The following IQANK1 variants were observed in gnomAD, a reference collection of about 807,000 sequenced individuals.
IQANK1 encodes the protein IQ motif and ankyrin repeat containing 1, also known as IQ motif and ankyrin repeat domain-containing protein 1.
IQANK1 carries 30 observed loss-of-function variants against 22.6 expected under a neutral mutation model. The ratio of observed to expected loss-of-function variants is 1.33; its 90% CI spans 0.99 to 1.80. The LOEUF (loss-of-function observed/expected upper bound fraction) is 1.80, where lower values mean the gene tolerates loss of function less well. IQANK1 is among the 40% of genes most tolerant of loss of function. IQANK1 has a pLI of 0.00. For missense variants in IQANK1, 275 were observed against 235.2 expected (o/e 1.17, Z -1.11); for synonymous variants, 122 against 99.6 (o/e 1.23, Z -1.34).
chr8:143,753,853 G>C (rs1456980574), intron 3 of IQANK1, among the ~76,000 whole-genome samples: 1 of 152,062 alleles, frequency 6.6e-6, no homozygotes, highest in Non-Finnish European at 1.5e-5. Context: ...TTGAAAACTG[G>C]ACATTTGAAT....
Position 143,735,478 on chromosome 8 carries a change from G to A in IQANK1, c.-4-372G>A, listed in dbSNP as rs1177191384. On this transcript the variant is annotated intron_variant, in intron 1 of 13. Transcript: ENST00000527139. The surrounding 1 kb of genome is among the most constrained non-coding windows in gnomAD (Gnocchi z 5.2). The stretch of plus-strand genomic sequence containing the variant: ...TGGAGGCTTCAGCAGAGAGGGCCAT[G>A]CTCATGATTACGGTGAGAACAAAGA... Among the ~76,000 whole-genome samples, 1 of 150,486 alleles carries A rather than the reference G, an allele frequency of 6.6e-6. No homozygotes were observed. The highest frequency in any genetic ancestry group is 1.5e-5 in the Non-Finnish European group (1 of 68,018).
At chr8:143,773,714 G>T (rs1554630057) in intron 7 of IQANK1, among the ~76,000 whole-genome samples, 2 of 152,296 alleles carry the variant, frequency 1.3e-5, no homozygotes, top group Non-Finnish European at 2.9e-5. Context: ...CTGCCTGGGA[G>T]CCTGTCCTGC....
At chr8:143,742,617 A>T in intron 3 of IQANK1, 1 of 456,060 alleles carries the variant, frequency 2.2e-6, no homozygotes, top group Non-Finnish European at 4.4e-6. Context: ...GCAGCATTCC[A>T]GGAGCTGCTT....
At chr8:143,745,873 C>G (rs1554627158) in intron 3 of IQANK1, 1 of 152,326 alleles carries the variant, frequency 6.6e-6, no homozygotes, top group Non-Finnish European at 1.5e-5. Context: ...ACCTCAGCCT[C>G]CTGAGTAGCT....
In IQANK1 at chr8:143,789,010, C is replaced by T; in HGVS notation, c.885C>T (p.Arg295=). The T allele has an allele frequency of 2.5e-6, 1 of 400,048 alleles. No individual in the cohort carries two copies. Among genetic ancestry groups the T allele is most frequent in the Non-Finnish European group, 4.4e-6 (1 of 226,892 alleles). 24.8% of individuals were successfully genotyped at this position (400,048 alleles called of 1,614,324 possible). Reference sequence around the variant, plus strand: ...AGAACATGGAGGCTGAGCAGCAGCGCCGGGCCCAGGAGGCCCAGAGGCACA... The same window carrying T: ...AGAACATGGAGGCTGAGCAGCAGCGTCGGGCCCAGGAGGCCCAGAGGCACA... ...MLQNMEAEQQ[R]RAQEAQRHKE... Residue 295 remains arginine, a synonymous_variant, in exon 8 of 14, where the codon CGC becomes CGT. Coordinates refer to ENST00000527139, the MANE Select transcript of IQANK1 (RefSeq NM_001381874.1).
intron 3 of IQANK1, among the ~76,000 whole-genome samples, chr8:143,751,646 G>GTATA (rs1554628040): frequency 3.7e-5 from 1 of 27,174 alleles, no homozygotes; most frequent in Non-Finnish European, 9.0e-5. Context: ...GTGTGTGTGT[G>GTATA]TGTGTGTGTG....
At chr8:143,751,625 A>AT (rs1483456634) in intron 3 of IQANK1, among the ~76,000 whole-genome samples, 1 of 95,996 alleles carries the variant, frequency 1.0e-5, no homozygotes, top group African/African-American at 3.7e-5. Flanking sequence ...AAAAAAAAAA[A>AT]GTGTGTGTGT....
At chr8:143,788,246 G>A in intron 7 of IQANK1, among the ~76,000 whole-genome samples, 1 of 152,230 alleles carries the variant, frequency 6.6e-6, no homozygotes, top group Admixed American at 6.5e-5. Context: ...CCCGCCACCA[G>A]GCGCATGTGG....
chr8:143,751,658 GTGTGTGTA>G (rs1452847535), intron 3 of IQANK1, among the ~76,000 whole-genome samples: 1 of 38,820 alleles, frequency 2.6e-5, no homozygotes, highest in African/African-American at 4.9e-5. Context: ...GTGTGTGTGT[GTGTGTGTA>G]TATATATATA....
At chr8:143,766,256 G>A (rs180847647) in intron 3 of IQANK1, among the ~76,000 whole-genome samples, 192 of 152,128 alleles carry the variant, frequency 1.3e-3, no homozygotes, top group Non-Finnish European at 1.8e-3. Context: ...TTTTTCTTAC[G>A]GCTTTGTAGT....
Position 143,774,298 on chromosome 8 carries a change from G to T in IQANK1, c.789+1816G>T, listed in dbSNP as rs1379508165. Among the ~76,000 whole-genome samples the T allele has an allele frequency of 6.6e-6, 1 of 152,070 alleles. No homozygotes were observed. The highest frequency in any genetic ancestry group is 1.5e-5 in the Non-Finnish European group (1 of 68,034). On this transcript the variant is annotated intron_variant, in intron 7 of 13. Transcript: ENST00000527139. The surrounding 1 kb of genome is among the most constrained non-coding windows in gnomAD (Gnocchi z 4.2). ...GCAGGAGCAAACGTTTGTGAACCACGCATCTGGCAAGGCACGTGTACCTAG... is the reference window on the plus strand; with the variant it reads ...GCAGGAGCAAACGTTTGTGAACCACTCATCTGGCAAGGCACGTGTACCTAG...
rs554550601 is a variant in IQANK1, at chr8:143,754,906, G to A, written c.175+14958G>A. Among the ~76,000 whole-genome samples the A allele has an allele frequency of 1.2e-4, 18 of 152,260 alleles. No homozygotes were observed. In the South Asian group the frequency reaches 2.9e-3, roughly 24 times the overall value. Reference sequence around the variant, plus strand: ...CTCCCAAAGTGCTGGGATTACAGGCGTGAGCCACCGCGCCCAGCCAGGTAG... The same window carrying A: ...CTCCCAAAGTGCTGGGATTACAGGCATGAGCCACCGCGCCCAGCCAGGTAG... On this transcript the variant is annotated intron_variant, in intron 3 of 13. Transcript: ENST00000527139.
Position 143,771,921 on chromosome 8 carries a change from G to A in IQANK1, c.427G>A (p.Ala143Thr). 1 of 380,442 alleles carries A rather than the reference G, an allele frequency of 2.6e-6. No individual in the cohort carries two copies. Among genetic ancestry groups the A allele is most frequent in the Non-Finnish European group, 4.6e-6 (1 of 215,576 alleles). The allele number at this position is 380,442 out of a possible 1,614,324, so 23.6% of individuals were successfully genotyped here. ...LQRRRRLLDA[A>T]FDGDVGEIRA... is the part of the protein sequence containing the mutation. ...GCGTCGCCGCCGCCTGCTGGACGCC[G>A]CCTTCGACGGGGACGTGGGCGAGAT... The change falls in exon 5 of 14, where the codon GCC becomes ACC. Residue 143 changes from alanine (A) to threonine (T), a missense_variant. Coordinates refer to ENST00000527139, the MANE Select transcript of IQANK1 (RefSeq NM_001381874.1). This position sits in a 1 kb window ranked among gnomAD's most constrained non-coding sequence, Gnocchi z 6.0.
At position 143,789,800 on chromosome 8, in the gene IQANK1, C is replaced by G; in HGVS notation, c.1126C>G (p.Gln376Glu). 1 of 1,232,146 alleles carries G rather than the reference C, an allele frequency of 8.1e-7. No homozygotes were observed. Among genetic ancestry groups the G allele is most frequent in the Non-Finnish European group, 1.0e-6 (1 of 988,094 alleles). 76.3% of individuals were successfully genotyped at this position (1,232,146 alleles called of 1,614,324 possible). ...AGAGGCCCAGGTGGACAGGCTGCGGCAGGAGGCCCAGAAGGCCGAGGAGGC... is the reference window on the plus strand; with the variant it reads ...AGAGGCCCAGGTGGACAGGCTGCGGGAGGAGGCCCAGAAGGCCGAGGAGGC... ...DTEAQVDRLR[Q>E]EAQKAEEALA... Residue 376 changes from glutamine to glutamate, a missense_variant, in exon 11 of 14, where the codon CAG (glutamine) becomes GAG (glutamate). Gln to Glu is a conservative substitution (Grantham distance 29). Coordinates refer to ENST00000527139, the MANE Select transcript of IQANK1 (RefSeq NM_001381874.1).
intron 8 of IQANK1, 22 bp from the exon 9 acceptor site, chr8:143,789,167 C>T (rs1819960056): frequency 2.5e-6 from 1 of 400,272 alleles, no homozygotes; most frequent in South Asian, 1.2e-4. Context: ...AGCCTCTGTC[C>T]CAGCTCATTC....
chr8:143,740,093 C>T, intron 3 of IQANK1, 145 bp downstream of exon 3: 1 of 523,330 alleles, frequency 1.9e-6, no homozygotes, highest in Non-Finnish European at 3.4e-6. Flanking sequence ...TGGGAGTGCG[C>T]GTGTACGCGC....
chr8:143,785,190 T>A (rs1287971385), intron 7 of IQANK1, among the ~76,000 whole-genome samples: 1 of 152,040 alleles, frequency 6.6e-6, no homozygotes, highest in African/African-American at 2.4e-5. Context: ...ATTTCTATCA[T>A]TTGTAGTTTC....
chr8:143,752,995 C>CATTTT (rs1563771948), intron 3 of IQANK1, among the ~76,000 whole-genome samples: 1 of 74,700 alleles, frequency 1.3e-5, no homozygotes, highest in African/African-American at 4.8e-5. Flanking sequence ...ACTCTCTGTT[C>CATTTT]GTTTTTTTTT....
chr8:143,739,890 G>A lies in IQANK1; in HGVS notation c.117G>A (p.Arg39=), dbSNP rs1554626207. The A allele has an allele frequency of 5.7e-6, 4 of 698,436 alleles. No individual in the cohort carries two copies. Among genetic ancestry groups the A allele is most frequent in the African/African-American group, 1.7e-5 (1 of 57,218 alleles). 43.3% of individuals were successfully genotyped at this position (698,436 alleles called of 1,614,324 possible). The part of the protein sequence containing the change: ...GKPGENRPPQ[R]KAGWQAREPA... ...CCGGGGAGAACCGCCCGCCGCAGAG[G>A]AAAGCGGGCTGGCAGGCGAGGGAGC... Residue 39 remains arginine (R), a synonymous_variant, in exon 3 of 14, where the codon AGG becomes AGA. Transcript: ENST00000527139.
Sources: allele counts gnomAD v4.1 joint callset (sites outside exome capture counted in the v4.1 genomes callset), GRCh38; gene constraint gnomAD v4.1.1; non-coding constraint Gnocchi (gnomAD v3.1); transcripts MANE v1.5; gene names NCBI Gene and HGNC (gene_info 2026-07-23, HGNC 2026-07-21).